Variants in PLA2G6 observed in about 807,000 individuals in gnomAD.
PLA2G6 encodes the protein 85/88 kDa calcium-independent phospholipase A2.
PLA2G6 carries 62 observed loss-of-function variants against 83.8 expected under a neutral mutation model. The observed-to-expected ratio is 0.74, with a 90% CI of 0.60 to 0.91. PLA2G6 has a LOEUF of 0.91. PLA2G6 is among the 40% of genes least tolerant of loss of function. PLA2G6 has a pLI of 0.00. For synonymous variants in PLA2G6, 417 were observed against 449.8 expected (o/e 0.93, Z 0.92); for missense variants, 944 against 1,102.0 (o/e 0.86, Z 2.03).
chr22:38,112,382 GCTTGGGGAACAGAGCAGACC>G, intron 16 of PLA2G6, 77 bp from the exon 17 acceptor site: 2 of 1,561,398 alleles, frequency 1.3e-6, no homozygotes, highest in Non-Finnish European at 8.7e-7. Context: ...ACCAGGGTGG[GCTTGGGGAACAGAGCAGACC>G]CTTGGGGAAG....
chr22:38,176,302 G>A (rs1406285292), intron 1 of PLA2G6, among the ~76,000 whole-genome samples: 4 of 152,242 alleles, frequency 2.6e-5, no homozygotes, highest in African/African-American at 9.6e-5. Flanking sequence ...CAGAGGAGCC[G>A]GACAGCTGCC....
rs2090350779 is a variant in PLA2G6 at position 38,169,452 on chromosome 22, C to A, written c.-26G>T. 3 of 1,594,414 alleles carry A rather than the reference C, an allele frequency of 1.9e-6. No individual in the cohort carries two copies. The highest frequency in any genetic ancestry group is 3.4e-5 in the Admixed American group (2 of 59,414). On this transcript the variant is annotated 5_prime_UTR_variant, in exon 2 of 17. Transcript: ENST00000332509. ...CTTCTGCGGGGCAGGTGGGGAGGCCCCACCGTCTTCCCCCTCTGTCTGGAA... is the reference window on the plus strand; with the variant it reads ...CTTCTGCGGGGCAGGTGGGGAGGCCACACCGTCTTCCCCCTCTGTCTGGAA...
In PLA2G6 at chr22:38,160,316, C is replaced by T. The variant is rs935429570; in HGVS notation, c.209+8902G>A. On this transcript the variant is annotated intron_variant, in intron 2 of 16. Transcript: ENST00000332509. ...ACAGACGGGCGGTATTATTTACTAA[C>T]GTTGAAGACAAGTTATGGCCCATAA... Among the ~76,000 whole-genome samples the T allele has an allele frequency of 3.3e-5, 5 of 152,160 alleles. 1 individual carries two copies. Among genetic ancestry groups the T allele is most frequent in the Admixed American group, 2.6e-4 (4 of 15,280 alleles).
intron 2 of PLA2G6, among the ~76,000 whole-genome samples, chr22:38,167,245 A>T (rs1329904934): frequency 6.7e-6 from 1 of 148,188 alleles, no homozygotes; most frequent in Admixed American, 6.7e-5. Flanking sequence ...AAAAAAAAAG[A>T]AAACAAAAAA....
chr22:38,145,784 AACACACACACACACACACACACACACAC>A (rs132936), intron 2 of PLA2G6, 131 bp from the exon 3 acceptor site: 9 of 484,210 alleles, frequency 1.9e-5, no homozygotes, highest in Non-Finnish European at 3.4e-5. Flanking sequence ...CTCCCAAGCA[AACACACACACACACACACACACACACAC>A]ACACACACAC....
Position 38,143,891 on chromosome 22 carries a change from C to T in PLA2G6, c.426-603G>A, listed in dbSNP as rs555197675. On this transcript the variant is annotated intron_variant, in intron 3 of 16. Transcript: ENST00000332509. ...CCGAGTAGCTGGGATTACAGGCGTG[C>T]GCCACCACGCCTTGCTAATTTTTTG... is the stretch of plus-strand genomic sequence containing the variant. 83 of 184,752 alleles carry T rather than the reference C, an allele frequency of 4.5e-4. 3 individuals carry two copies. The South Asian group carries it at 8.0e-3, about 18-fold the overall frequency. The allele number at this position is 184,752 out of a possible 1,614,324, so 11.4% of individuals were successfully genotyped here. A position where few individuals can be genotyped will look rare whatever the true frequency, so the allele number is the denominator to read the frequency against.
rs1319111709 is a variant in PLA2G6 at position 38,112,049 on chromosome 22, T to C, written c.*112A>G. 7.0e-6 allele frequency: 9 copies of C among 1,284,748 alleles called. No homozygotes were observed. In the Admixed American group the frequency reaches 9.9e-5, roughly 14 times the overall value. 79.6% of individuals were successfully genotyped at this position (1,284,748 alleles called of 1,614,324 possible). On this transcript the variant is annotated 3_prime_UTR_variant, in exon 17 of 17. Transcript: ENST00000332509. ...TTGGCATTCTCCCAGGCCTGGTCTA[T>C]GGACTCAGAGGTGCCTGGGCCCAGA...
Position 38,123,638 on chromosome 22 carries a change from A to T in PLA2G6, c.1428-380T>A, listed in dbSNP as rs1307739963. ...TGGAATTAAATAAGGCTGGGGAAGG[A>T]GGGGCGGGGACCCTACAGCCAGGCC... On this transcript the variant is annotated intron_variant, in intron 10 of 16. Coordinates refer to ENST00000332509, the MANE Select transcript of PLA2G6 (RefSeq NM_003560.4). This position sits in a 1 kb window ranked among gnomAD's most constrained non-coding sequence, Gnocchi z 4.1. Among the ~76,000 whole-genome samples the T allele has an allele frequency of 6.6e-6, 1 of 151,518 alleles. No individual in the cohort carries two copies. Among genetic ancestry groups the T allele is most frequent in the Non-Finnish European group, 1.5e-5 (1 of 67,934 alleles).
rs752175706 is a variant in PLA2G6 at position 38,169,250 on chromosome 22, C to G, written c.177G>C (p.Leu59=). ...CACTCTGTGAGTTCCTGGGGTTGAC[C>G]AGGACGCAGTCCCAGGTGCGGTTGG... is the stretch of plus-strand genomic sequence containing the variant. ...NTPNRTWDCV[L]VNPRNSQSGF... is the part of the protein sequence containing the mutation. The change falls in exon 2 of 17, where the codon CTG becomes CTC. Residue 59 remains leucine (L), a synonymous_variant. Transcript: ENST00000332509. The G allele has an allele frequency of 6.2e-7, 1 of 1,614,102 alleles. No individual in the cohort carries two copies. Among genetic ancestry groups the G allele is most frequent in the Admixed American group, 1.7e-5 (1 of 60,026 alleles).
intron 9 of PLA2G6, chr22:38,127,152 C>T: frequency 8.8e-7 from 1 of 1,141,586 alleles, no homozygotes; most frequent in Non-Finnish European, 1.1e-6. Context: ...ACTCTGACAG[C>T]CCCCCACCAC....
Position 38,140,110 on chromosome 22 carries a change from C to T in PLA2G6, c.669G>A (p.Pro223=), listed in dbSNP as rs944013168. The T allele has an allele frequency of 9.9e-6, 16 of 1,614,004 alleles. No individual in the cohort carries two copies. The highest frequency in any genetic ancestry group is 6.7e-5 in the Admixed American group (4 of 60,008). Residue 223 remains proline (P), a synonymous_variant, in exon 5 of 17, where the codon CCG becomes CCA. Transcript: ENST00000332509. Reference sequence around the variant, plus strand: ...TCCCCAGCTGGCAGGCCAGGTGCAGCGGGGTCAGCCCTTGGTTATTCACCT... The same window carrying T: ...TCCCCAGCTGGCAGGCCAGGTGCAGTGGGGTCAGCCCTTGGTTATTCACCT... The part of the protein sequence containing the change: ...LNQVNNQGLT[P]LHLACQLGKQ...
At chr22:38,148,876 T>C in intron 2 of PLA2G6, 1 of 190,588 alleles carries the variant, frequency 5.2e-6, no homozygotes, top group Non-Finnish European at 1.0e-5. Context: ...TTTTTTTTTT[T>C]TTTTTTTTGA....
At chr22:38,164,577 T>C (rs2090144787) in intron 2 of PLA2G6, among the ~76,000 whole-genome samples, 1 of 152,204 alleles carries the variant, frequency 6.6e-6, no homozygotes, top group Non-Finnish European at 1.5e-5. Flanking sequence ...GCAGCAGTGC[T>C]GTGGGACTCT....
At chr22:38,122,572 C>T (rs577025780) in intron 11 of PLA2G6, among the ~76,000 whole-genome samples, 1 of 152,180 alleles carries the variant, frequency 6.6e-6, no homozygotes, top group Non-Finnish European at 1.5e-5. Flanking sequence ...TCCAGCCCAG[C>T]GACCCCATGG....
chr22:38,111,679 G>A lies in PLA2G6; in HGVS notation c.*482C>T, dbSNP rs992654645. On this transcript the variant is annotated 3_prime_UTR_variant, in exon 17 of 17. Coordinates refer to ENST00000332509, the MANE Select transcript of PLA2G6 (RefSeq NM_003560.4). Reference sequence around the variant, plus strand: ...CACTCCTGCGGCCTGGGCTTTCCCAGCTGATGGGGTGGGGGACACCCATTT... The same window carrying A: ...CACTCCTGCGGCCTGGGCTTTCCCAACTGATGGGGTGGGGGACACCCATTT... 32 of 216,092 alleles carry A rather than the reference G, an allele frequency of 1.5e-4. No homozygotes were observed. In the Admixed American group the frequency reaches 1.7e-3, roughly 11 times the overall value. The allele number at this position is 216,092 out of a possible 1,614,324, so 13.4% of individuals were successfully genotyped here.
chr22:38,179,065 A>G (rs1041746118), intron 1 of PLA2G6, among the ~76,000 whole-genome samples: 3 of 152,256 alleles, frequency 2.0e-5, no homozygotes, highest in Non-Finnish European at 4.4e-5. Flanking sequence ...GAAATTTTAG[A>G]TTGGGTGAGG....
intron 2 of PLA2G6, among the ~76,000 whole-genome samples, chr22:38,164,838 G>C (rs529751072): frequency 6.6e-6 from 1 of 152,188 alleles, no homozygotes; most frequent in Non-Finnish European, 1.5e-5. Flanking sequence ...GCCCTGGCCA[G>C]AGGCAAGTCC....
chr22:38,158,131 T>G (rs1355781136), intron 2 of PLA2G6, among the ~76,000 whole-genome samples: 1 of 152,040 alleles, frequency 6.6e-6, no homozygotes, highest in Non-Finnish European at 1.5e-5. Flanking sequence ...TACGTAGTAT[T>G]TGCATCATCA....
In PLA2G6 at chr22:38,123,945, C is replaced by T. The variant is rs2087680779; in HGVS notation, c.1428-687G>A. Among the ~76,000 whole-genome samples the T allele has an allele frequency of 6.6e-6, 1 of 152,174 alleles. No homozygotes were observed. Among genetic ancestry groups the T allele is most frequent in the Non-Finnish European group, 1.5e-5 (1 of 68,028 alleles). On this transcript the variant is annotated intron_variant, in intron 10 of 16. Coordinates refer to ENST00000332509, the MANE Select transcript of PLA2G6 (RefSeq NM_003560.4). The surrounding 1 kb of genome is among the most constrained non-coding windows in gnomAD (Gnocchi z 4.1). ...CTGCCTCCCGGGTTCAAACGATTCT[C>T]CTGCCTCAACCTCCCGAGTAGCTGG...
Sources: gnomAD v4.1 joint callset for allele counts (sites outside exome capture counted in the v4.1 genomes callset) on GRCh38, gnomAD v4.1.1 for gene constraint, Gnocchi (gnomAD v3.1) non-coding constraint, MANE v1.5 for transcripts, NCBI Gene and HGNC (gene_info 2026-07-23, HGNC 2026-07-21) for gene names.